Variants in OR6N1 observed in about 807,000 individuals in gnomAD.
OR6N1 encodes the protein olfactory receptor family 6 subfamily N member 1.
For synonymous variants in OR6N1, 170 were observed against 150.7 expected, an observed-to-expected ratio of 1.13 and a Z score of -0.94; for missense variants, 394 against 371.7, an observed-to-expected ratio of 1.06 and a Z score of -0.49.
At chr1:158,794,569 A>G in the OR6N1 span, among the ~76,000 whole-genome samples, 1 of 152,170 alleles carries the variant, frequency 6.6e-6, no homozygotes, top group Non-Finnish European at 1.5e-5. Flanking sequence ...TCCCAGCAGC[A>G]GGTACCAGCA....
the OR6N1 span, among the ~76,000 whole-genome samples, chr1:158,823,177 G>C: frequency 2.6e-5 from 4 of 151,986 alleles, no homozygotes; most frequent in South Asian, 2.1e-4. Context: ...TTTCTTTTTT[G>C]TTGCATCTCT....
At chr1:158,777,364 G>A in the OR6N1 span, 3 of 1,614,098 alleles carry the variant, frequency 1.9e-6, no homozygotes, top group Non-Finnish European at 2.5e-6. Context: ...AAAAGAAATG[G>A]TTTTCTTCTC....
chr1:158,781,933 CAG>C, the OR6N1 span, among the ~76,000 whole-genome samples: 2 of 152,208 alleles, frequency 1.3e-5, no homozygotes, highest in East Asian at 1.9e-4. Context: ...AACTGAAGCA[CAG>C]AGAGTTTAAT....
In OR6N1 at chr1:158,764,384, T is replaced by A. The variant is rs1049838391; in HGVS notation, c.*1360A>T. ...ATAACTAATTATAAATTAATTATAATTTTAATATTTATATTCTCAACTCTT... is the reference window on the plus strand; with the variant it reads ...ATAACTAATTATAAATTAATTATAAATTTAATATTTATATTCTCAACTCTT... On this transcript the variant is annotated 3_prime_UTR_variant, in exon 2 of 2. Coordinates refer to ENST00000641846, the MANE Select transcript of OR6N1 (RefSeq NM_001005185.2). 1.3e-5 allele frequency: 2 copies of A among 151,556 alleles called. No homozygotes were observed. Among genetic ancestry groups the A allele is most frequent in the African/African-American group, 4.8e-5 (2 of 41,382 alleles). The allele number at this position is 151,556 out of a possible 1,614,324, so 9.4% of individuals were successfully genotyped here. A position where few individuals can be genotyped will look rare whatever the true frequency, so the allele number is the denominator to read the frequency against.
the OR6N1 span, among the ~76,000 whole-genome samples, chr1:158,806,416 G>A: frequency 6.6e-6 from 1 of 152,150 alleles, no homozygotes; most frequent in African/African-American, 2.4e-5. Context: ...ACATTTATGT[G>A]GAAAACTCTG....
rs1652288 is a variant in OR6N1 at position 158,765,056 on chromosome 1, C to T, written c.*688G>A. 0.72 allele frequency: 109,206 copies of T among 151,704 alleles called. 39,514 individuals are homozygous for T. Among genetic ancestry groups the T allele is most frequent in the African/African-American group, 0.78 (32,079 of 41,390 alleles). The allele number at this position is 151,704 out of a possible 1,614,324, so 9.4% of individuals were successfully genotyped here. Reference sequence around the variant, plus strand: ...CCAGAGTAATGATGTGAAGTCTTCGCAGAATAAAATAAATAAAAACAAGTC... The same window carrying T: ...CCAGAGTAATGATGTGAAGTCTTCGTAGAATAAAATAAATAAAAACAAGTC... On this transcript the variant is annotated 3_prime_UTR_variant, in exon 2 of 2. Coordinates refer to ENST00000641846, the MANE Select transcript of OR6N1 (RefSeq NM_001005185.2).
the OR6N1 span, among the ~76,000 whole-genome samples, chr1:158,836,253 G>A: frequency 6.6e-6 from 1 of 151,934 alleles, no homozygotes; most frequent in African/African-American, 2.4e-5. Flanking sequence ...AATGAGTTTG[G>A]AAGTGTTCCC....
chr1:158,828,303 C>T, the OR6N1 span, among the ~76,000 whole-genome samples: 1 of 152,204 alleles, frequency 6.6e-6, no homozygotes, highest in African/African-American at 2.4e-5. Context: ...AGGCAAGTCC[C>T]TTCCACCTAT....
rs1657199672 is a variant in OR6N1 at position 158,764,767 on chromosome 1, G to T, written c.*977C>A. The T allele has an allele frequency of 6.6e-6, 1 of 151,974 alleles. No homozygotes were observed. The allele number at this position is 151,974 out of a possible 1,614,324, so 9.4% of individuals were successfully genotyped here. On this transcript the variant is annotated 3_prime_UTR_variant, in exon 2 of 2. Coordinates refer to ENST00000641846, the MANE Select transcript of OR6N1 (RefSeq NM_001005185.2). ...TAGCTTACAATTCAATAAAGAAATG[G>T]TTCGATGTAAAAAGTAATCCTATTT... is the stretch of plus-strand genomic sequence containing the variant.
intron 1 of OR6N1, among the ~76,000 whole-genome samples, chr1:158,769,732 C>T (rs1657368563): frequency 6.6e-6 from 1 of 152,152 alleles, no homozygotes; most frequent in South Asian, 2.1e-4. Flanking sequence ...TATACAAAAG[C>T]CTTTCTCAAT....
the OR6N1 span, among the ~76,000 whole-genome samples, chr1:158,803,581 G>A: frequency 3.9e-5 from 6 of 151,984 alleles, no homozygotes; most frequent in Admixed American, 6.6e-5. Flanking sequence ...GTGTTCCTAC[G>A]TTCCTCTTTT....
the OR6N1 span, among the ~76,000 whole-genome samples, chr1:158,794,745 A>T: frequency 6.6e-6 from 1 of 152,212 alleles, no homozygotes; most frequent in Non-Finnish European, 1.5e-5. Context: ...CAATGGCAAT[A>T]GCAGAAATTA....
the OR6N1 span, among the ~76,000 whole-genome samples, chr1:158,784,397 A>T: frequency 6.6e-6 from 1 of 152,216 alleles, no homozygotes; most frequent in Non-Finnish European, 1.5e-5. Context: ...CCTTCTCCTC[A>T]TATTTGTAAC....
At chr1:158,811,536 T>A in the OR6N1 span, among the ~76,000 whole-genome samples, 2 of 152,178 alleles carry the variant, frequency 1.3e-5, no homozygotes, top group Admixed American at 1.3e-4. Flanking sequence ...GGTCAGTACA[T>A]GGACTCTGAC....
chr1:158,798,291 C>A, the OR6N1 span, among the ~76,000 whole-genome samples: 19 of 150,910 alleles, frequency 1.3e-4, no homozygotes, highest in Admixed American at 1.2e-3. Context: ...TTTTTTTGCC[C>A]TAACATTATT....
upstream of OR6N1, among the ~76,000 whole-genome samples, chr1:158,772,470 G>A (rs954571136): frequency 2.6e-5 from 4 of 152,208 alleles, no homozygotes; most frequent in African/African-American, 9.6e-5. Context: ...AATAACTGGT[G>A]TGAAAACTAG....
Position 158,765,499 on chromosome 1 carries a change from A to C in OR6N1, c.*245T>G. ...GTGATACATAAACATCTGAGTTTTG[A>C]AAATCACTGCACTACATCATGTTGA... is the stretch of plus-strand genomic sequence containing the variant. On this transcript the variant is annotated 3_prime_UTR_variant, in exon 2 of 2. Transcript: ENST00000641846. 2.5e-6 allele frequency: 1 copy of C among 394,612 alleles called. No homozygotes were observed. The highest frequency in any genetic ancestry group is 4.0e-5 in the Admixed American group (1 of 24,866). 24.4% of individuals were successfully genotyped at this position (394,612 alleles called of 1,614,324 possible).
At chr1:158,806,484 T>A in the OR6N1 span, among the ~76,000 whole-genome samples, 7 of 152,320 alleles carry the variant, frequency 4.6e-5, no homozygotes, top group East Asian at 1.9e-4. Context: ...CCATTTTGCA[T>A]GTAAGGGAAC....
At chr1:158,771,574 T>A (rs1657424292) in intron 1 of OR6N1, among the ~76,000 whole-genome samples, 2 of 152,240 alleles carry the variant, frequency 1.3e-5, no homozygotes, top group African/African-American at 4.8e-5. Context: ...TCTAGAAAGC[T>A]TTTAGAATAT....
Sources: allele counts gnomAD v4.1 joint callset (sites outside exome capture counted in the v4.1 genomes callset), GRCh38; gene constraint gnomAD v4.1.1; transcripts MANE v1.5; gene names NCBI Gene and HGNC (gene_info 2026-07-23, HGNC 2026-07-21).